Variants in MCTP1 observed in about 807,000 individuals in gnomAD.
MCTP1 encodes multiple C2 and transmembrane domain-containing protein 1.
Under a neutral mutation model 120.6 loss-of-function variants are expected in MCTP1, and 69 were observed. The ratio of observed to expected loss-of-function variants is 0.57; its 90% CI spans 0.47 to 0.70. MCTP1 has a LOEUF of 0.70. Among genes scored for constraint, MCTP1 ranks in the 30% least tolerant of loss-of-function variants. The probability of loss-of-function intolerance (pLI) is 0.00; values close to 1 mark genes in which losing one functional copy is unlikely to be tolerated. For missense variants in MCTP1, 1,203 were observed against 1,248.8 expected (o/e 0.96, Z 0.55); for synonymous variants, 529 against 493.1 (o/e 1.07, Z -0.96).
intron 17 of MCTP1, among the ~76,000 whole-genome samples, chr5:94,816,246 T>C (rs1784450846): frequency 6.6e-6 from 1 of 152,218 alleles, no homozygotes; most frequent in African/African-American, 2.4e-5. Context: ...GATGTGTGTA[T>C]ATAAATTTAT....
At chr5:94,740,552 G>GTGGT (rs1765284285) in intron 19 of MCTP1, among the ~76,000 whole-genome samples, 1 of 152,182 alleles carries the variant, frequency 6.6e-6, no homozygotes, top group South Asian at 2.1e-4. Context: ...TAAATTTGGT[G>GTGGT]TGGTTGTAAG....
chr5:94,974,349 C>T (rs1049706304), intron 2 of MCTP1, among the ~76,000 whole-genome samples: 1 of 152,034 alleles, frequency 6.6e-6, no homozygotes, highest in Admixed American at 6.6e-5. Context: ...GAGTTTGAGA[C>T]CAGCCTGGGC....
intron 1 of MCTP1, among the ~76,000 whole-genome samples, chr5:95,209,766 T>C (rs762121835): frequency 3.9e-5 from 6 of 152,070 alleles, no homozygotes; most frequent in Admixed American, 2.0e-4. Flanking sequence ...ATTAAGAAGC[T>C]CTTTTGATTT....
intron 17 of MCTP1, among the ~76,000 whole-genome samples, chr5:94,855,463 AC>A: frequency 6.6e-6 from 1 of 151,734 alleles, no homozygotes; most frequent in South Asian, 2.1e-4. Flanking sequence ...AGGGCATTTG[AC>A]CCCCCAACTG....
intron 17 of MCTP1, among the ~76,000 whole-genome samples, chr5:94,857,097 T>C (rs1224759814): frequency 6.6e-6 from 1 of 151,682 alleles, no homozygotes; most frequent in Non-Finnish European, 1.5e-5. Context: ...ATTCACCCTT[T>C]TATGATGCCT....
chr5:94,827,808 G>T (rs1393345067), intron 17 of MCTP1, among the ~76,000 whole-genome samples: 1 of 151,426 alleles, frequency 6.6e-6, no homozygotes, highest in South Asian at 2.1e-4. Flanking sequence ...GTGTTTTTCA[G>T]CTCCGTCAGG....
Position 94,799,106 on chromosome 5 carries a change from A to C in MCTP1, c.2463T>G (p.Phe821Leu). The C allele has an allele frequency of 6.2e-7, 1 of 1,612,118 alleles. No individual in the cohort carries two copies. Among genetic ancestry groups the C allele is most frequent in the Non-Finnish European group, 8.5e-7 (1 of 1,178,720 alleles). Residue 821 changes from phenylalanine to leucine, a missense_variant, in exon 18 of 23, where the codon TTT becomes TTG. Transcript: ENST00000515393. ...AAACCAGTGGTATCATGTAGAGCTC[A>C]AAGTTCCAGACAACAAAGAGAAAGA... The part of the protein sequence containing the change: ...FVLFLFVVWN[F>L]ELYMIPLVLL...
intron 1 of MCTP1, among the ~76,000 whole-genome samples, chr5:95,024,677 A>ACACACACACACACACACC (rs1185400384): frequency 4.0e-5 from 6 of 150,752 alleles, no homozygotes; most frequent in African/African-American, 1.5e-4. Context: ...ACACACACAC[A>ACACACACACACACACACC]CCCCTAAATG....
intron 19 of MCTP1, among the ~76,000 whole-genome samples, chr5:94,748,706 G>A (rs575158345): frequency 2.2e-4 from 33 of 152,258 alleles, no homozygotes; most frequent in Admixed American, 1.3e-3. Context: ...TAAGTTTCTC[G>A]ATTGTCTCAG....
chr5:95,015,218 G>A (rs1028567853), intron 2 of MCTP1, among the ~76,000 whole-genome samples: 2 of 151,988 alleles, frequency 1.3e-5, no homozygotes, highest in Admixed American at 6.6e-5. Context: ...GTCTGGAACC[G>A]AACCTGCAAT....
chr5:94,899,141 G>A (rs193043237), intron 10 of MCTP1, among the ~76,000 whole-genome samples: 1 of 152,306 alleles, frequency 6.6e-6, no homozygotes, highest in East Asian at 1.9e-4. Context: ...GTGGCAGTGT[G>A]AGAAAAAGGG....
chr5:95,019,380 A>G (rs1366449672), intron 1 of MCTP1, among the ~76,000 whole-genome samples: 1 of 152,006 alleles, frequency 6.6e-6, no homozygotes, highest in Non-Finnish European at 1.5e-5. Flanking sequence ...TACTCATCTT[A>G]CAGCTGAAAG....
intron 1 of MCTP1, among the ~76,000 whole-genome samples, chr5:95,156,852 C>T (rs1745182288): frequency 6.6e-6 from 1 of 152,130 alleles, no homozygotes; most frequent in African/African-American, 2.4e-5. Context: ...AATATTTCAG[C>T]AAACAGACTT....
intron 1 of MCTP1, among the ~76,000 whole-genome samples, chr5:95,175,944 T>C (rs1412466066): frequency 6.6e-6 from 1 of 152,148 alleles, no homozygotes; most frequent in Non-Finnish European, 1.5e-5. Flanking sequence ...CCAGAAGTGC[T>C]AGCAGAATAT....
At chr5:95,057,218 T>A (rs1389057933) in intron 1 of MCTP1, among the ~76,000 whole-genome samples, 1 of 152,136 alleles carries the variant, frequency 6.6e-6, no homozygotes, top group African/African-American at 2.4e-5. Flanking sequence ...CATAAAAATA[T>A]TAACATAACT....
At chr5:94,955,809 A>G (rs538078383) in intron 2 of MCTP1, among the ~76,000 whole-genome samples, 4 of 152,298 alleles carry the variant, frequency 2.6e-5, no homozygotes, top group African/African-American at 7.2e-5. Context: ...GGGACAGAGC[A>G]CCTGGGGGAA....
intron 19 of MCTP1, among the ~76,000 whole-genome samples, chr5:94,743,168 G>T (rs889618511): frequency 2.0e-5 from 3 of 150,460 alleles, no homozygotes; most frequent in Non-Finnish European, 4.4e-5. Context: ...AAATCTGGGG[G>T]ATTATTCACT....
chr5:95,189,305 A>C (rs1455807880), intron 1 of MCTP1, among the ~76,000 whole-genome samples: 3 of 152,200 alleles, frequency 2.0e-5, no homozygotes, highest in Non-Finnish European at 4.4e-5. Context: ...AAGCGACTGC[A>C]AAAGAATCTG....
At chr5:95,022,525 A>G (rs1482185532) in intron 1 of MCTP1, among the ~76,000 whole-genome samples, 2 of 152,214 alleles carry the variant, frequency 1.3e-5, no homozygotes, top group African/African-American at 2.4e-5. Context: ...AAATCATGGA[A>G]TAGAGTATTT....
Sources: gnomAD v4.1 joint callset for allele counts (sites outside exome capture counted in the v4.1 genomes callset) on GRCh38, gnomAD v4.1.1 for gene constraint, MANE v1.5 for transcripts, NCBI Gene and HGNC (gene_info 2026-07-23, HGNC 2026-07-21) for gene names.